The following GMPS variants were observed in gnomAD, a reference collection of about 807,000 sequenced individuals.
GMPS encodes the protein GMP synthase [glutamine-hydrolyzing].
GMPS carries 15 observed loss-of-function variants against 77.9 expected under a neutral mutation model. The observed-to-expected ratio is 0.19, with a 90% CI of 0.13 to 0.30. GMPS has a LOEUF of 0.30. Among genes scored for constraint, GMPS ranks in the 10% least tolerant of loss-of-function variants. The pLI is 1.00. For missense variants in GMPS, 590 were observed against 838.8 expected (o/e 0.70, Z 3.66); for synonymous variants, 224 against 275.9 (o/e 0.81, Z 1.86).
At chr3:155,906,711 A>G (rs1452073277) in intron 5 of GMPS, among the ~76,000 whole-genome samples, 10 of 138,400 alleles carry the variant, frequency 7.2e-5, no homozygotes, top group African/African-American at 3.4e-4. Context: ...TTGTGGGTCA[A>G]ATCTAGTCTT....
At chr3:155,875,044 G>T (rs909766439) in intron 1 of GMPS, among the ~76,000 whole-genome samples, 2 of 150,240 alleles carry the variant, frequency 1.3e-5, no homozygotes, top group Non-Finnish European at 3.0e-5. Flanking sequence ...TCAGCCACCC[G>T]AGTAGCTGGG....
chr3:155,907,488 C>T (rs1754923634), intron 5 of GMPS, among the ~76,000 whole-genome samples: 1 of 152,104 alleles, frequency 6.6e-6, no homozygotes, highest in Non-Finnish European at 1.5e-5. Flanking sequence ...ACTCAGGAGG[C>T]TGAGGTGGGA....
chr3:155,916,216 C>G, intron 9 of GMPS, 24 bp downstream of exon 9: 2 of 1,499,830 alleles, frequency 1.3e-6, no homozygotes, highest in Non-Finnish European at 1.9e-6. Flanking sequence ...AAAACTTTTT[C>G]ATAAAGTAGA....
At chr3:155,927,342 G>A (rs911341153) in intron 12 of GMPS, among the ~76,000 whole-genome samples, 2 of 152,172 alleles carry the variant, frequency 1.3e-5, no homozygotes, top group African/African-American at 2.4e-5. Context: ...TGAGTTTTAA[G>A]TAGATTTGTT....
intron 1 of GMPS, among the ~76,000 whole-genome samples, chr3:155,880,265 G>A (rs1035782456): frequency 6.6e-6 from 1 of 152,102 alleles, no homozygotes; most frequent in African/African-American, 2.4e-5. Flanking sequence ...CTTTTCTAAG[G>A]TGGGTTTAAT....
At chr3:155,921,449 T>C (rs934964277) in intron 10 of GMPS, among the ~76,000 whole-genome samples, 1 of 152,184 alleles carries the variant, frequency 6.6e-6, no homozygotes, top group African/African-American at 2.4e-5. Flanking sequence ...AAACTTTGGA[T>C]GAGCACATAT....
At chr3:155,914,260 AT>A in intron 7 of GMPS, among the ~76,000 whole-genome samples, 158 bp from the exon 8 acceptor site, 1 of 152,096 alleles carries the variant, frequency 6.6e-6, no homozygotes, top group Admixed American at 6.6e-5. Flanking sequence ...ATTCTTGAAT[AT>A]TGATAGTTTA....
At chr3:155,924,413 T>A (rs1444295243) in intron 11 of GMPS, among the ~76,000 whole-genome samples, 1 of 152,242 alleles carries the variant, frequency 6.6e-6, no homozygotes. Context: ...TGAAGTAACA[T>A]GTAAGCCACA....
At chr3:155,914,615 G>C in intron 8 of GMPS, 45 bp downstream of exon 8, 1 of 1,254,592 alleles carries the variant, frequency 8.0e-7, no homozygotes, top group Non-Finnish European at 1.1e-6. Flanking sequence ...TTTTTGATGT[G>C]AATCTTAGTA....
upstream of GMPS, among the ~76,000 whole-genome samples, chr3:155,869,712 C>T (rs149125923): frequency 1.8e-4 from 28 of 152,272 alleles, no homozygotes; most frequent in East Asian, 5.2e-3. Flanking sequence ...TTAAAGTTAG[C>T]TTTTAAAGTA....
At chr3:155,925,408 T>G (rs1460764819) in intron 12 of GMPS, 42 bp downstream of exon 12, 1 of 1,510,466 alleles carries the variant, frequency 6.6e-7, no homozygotes. Context: ...TACTTTTTTT[T>G]TTTTTTCTTT....
At chr3:155,903,419 C>T (rs1301968103) in intron 3 of GMPS, among the ~76,000 whole-genome samples, 1 of 152,198 alleles carries the variant, frequency 6.6e-6, no homozygotes, top group Non-Finnish European at 1.5e-5. Context: ...CCTTTGGAGC[C>T]AAAGACTAAA....
intron 11 of GMPS, among the ~76,000 whole-genome samples, chr3:155,923,567 A>G (rs1052306351): frequency 7.2e-5 from 11 of 152,216 alleles, no homozygotes; most frequent in Non-Finnish European, 1.3e-4. Flanking sequence ...AGGAAATTAT[A>G]CTGAAACAGT....
chr3:155,936,684 G>A (rs1474714230), intron 15 of GMPS, among the ~76,000 whole-genome samples, 174 bp downstream of exon 15: 1 of 151,830 alleles, frequency 6.6e-6, no homozygotes, highest in Non-Finnish European at 1.5e-5. Flanking sequence ...GGCAGAAAAA[G>A]GCTTTAAATT....
intron 1 of GMPS, among the ~76,000 whole-genome samples, chr3:155,886,233 G>A (rs1376390198): frequency 1.3e-5 from 2 of 151,824 alleles, no homozygotes; most frequent in East Asian, 3.9e-4. Context: ...TTACTCAACT[G>A]TTCACAGAAT....
chr3:155,875,777 T>TA (rs1216041204), intron 1 of GMPS, among the ~76,000 whole-genome samples: 3 of 152,238 alleles, frequency 2.0e-5, no homozygotes, highest in Admixed American at 6.5e-5. Flanking sequence ...GGACGGTGGT[T>TA]AAAAAAATTG....
At chr3:155,920,650 G>T (rs1755298030) in intron 10 of GMPS, among the ~76,000 whole-genome samples, 1 of 150,698 alleles carries the variant, frequency 6.6e-6, no homozygotes, top group Admixed American at 6.6e-5. Flanking sequence ...AGTGTTCTAT[G>T]TCCTTGGTCA....
intron 1 of GMPS, among the ~76,000 whole-genome samples, chr3:155,886,303 C>T (rs760676159): frequency 6.0e-5 from 9 of 149,512 alleles, no homozygotes; most frequent in African/African-American, 9.9e-5. Flanking sequence ...TGGCTGAGTG[C>T]GGTAGCTCAC....
At chr3:155,903,992 G>T in intron 4 of GMPS, 32 bp downstream of exon 4, 3 of 816,804 alleles carry the variant, frequency 3.7e-6, no homozygotes, top group Non-Finnish European at 5.9e-6. Flanking sequence ...AAGAACAATA[G>T]TAATTAACTA....
Sources: gnomAD v4.1 joint callset for allele counts (sites outside exome capture counted in the v4.1 genomes callset) on GRCh38, gnomAD v4.1.1 for gene constraint, MANE v1.5 for transcripts, NCBI Gene and HGNC (gene_info 2026-07-23, HGNC 2026-07-21) for gene names.